The following UNC5C variants were observed in gnomAD, a reference collection of about 807,000 sequenced individuals.
The protein encoded by UNC5C is netrin receptor UNC5C.
A neutral mutation model predicts 99.8 loss-of-function variants in UNC5C; 47 were observed. That is an observed-to-expected ratio of 0.47 (90% CI 0.37 to 0.60). UNC5C has a LOEUF of 0.60. UNC5C is among the 20% of genes least tolerant of loss of function. The pLI is 0.00. For synonymous variants in UNC5C, 487 were observed against 452.2 expected (o/e 1.08, Z -0.98); for missense variants, 1,062 against 1,165.9 (o/e 0.91, Z 1.30).
intron 1 of UNC5C, among the ~76,000 whole-genome samples, chr4:95,450,315 G>A (rs1014006256): frequency 6.6e-6 from 1 of 152,166 alleles, no homozygotes; most frequent in Admixed American, 6.5e-5. Flanking sequence ...AAGCTCCTGG[G>A]CTCAAGTGAT....
At chr4:95,244,471 A>C (rs1405532264) in intron 6 of UNC5C, among the ~76,000 whole-genome samples, 1 of 152,192 alleles carries the variant, frequency 6.6e-6, no homozygotes, top group Non-Finnish European at 1.5e-5. Context: ...TAGTTTCAGA[A>C]TCCATTATCC....
intron 1 of UNC5C, among the ~76,000 whole-genome samples, chr4:95,436,531 G>A (rs1347338567): frequency 1.3e-5 from 2 of 151,862 alleles, no homozygotes; most frequent in Non-Finnish European, 2.9e-5. Context: ...ATCCTTGTTT[G>A]GGCACTTTTT....
intron 3 of UNC5C, among the ~76,000 whole-genome samples, chr4:95,300,338 C>T (rs1741822621): frequency 6.6e-6 from 1 of 152,128 alleles, no homozygotes; most frequent in East Asian, 1.9e-4. Flanking sequence ...TGCAATGAAG[C>T]TTCTATAACT....
At chr4:95,325,053 C>T (rs190616238) in intron 2 of UNC5C, among the ~76,000 whole-genome samples, 1 of 152,244 alleles carries the variant, frequency 6.6e-6, no homozygotes, top group Admixed American at 6.5e-5. Context: ...TTATAAGACA[C>T]TGGTGGTTTG....
chr4:95,401,392 C>T (rs915899827), intron 1 of UNC5C, among the ~76,000 whole-genome samples: 2 of 152,194 alleles, frequency 1.3e-5, no homozygotes, highest in Non-Finnish European at 2.9e-5. Flanking sequence ...GCCTTGAACT[C>T]GTAGGCTCAA....
At chr4:95,319,199 C>T (rs934484066) in intron 2 of UNC5C, among the ~76,000 whole-genome samples, 2 of 152,188 alleles carry the variant, frequency 1.3e-5, no homozygotes, top group Non-Finnish European at 2.9e-5. Flanking sequence ...GAGCTTAAAA[C>T]AAACACAGAG....
chr4:95,420,386 C>T (rs1481056544), intron 1 of UNC5C, among the ~76,000 whole-genome samples: 3 of 152,046 alleles, frequency 2.0e-5, no homozygotes, highest in South Asian at 4.1e-4. Flanking sequence ...ATAAAATAAT[C>T]AATATTTTCA....
At chr4:95,451,494 C>T (rs1282440642) in intron 1 of UNC5C, among the ~76,000 whole-genome samples, 1 of 152,042 alleles carries the variant, frequency 6.6e-6, no homozygotes, top group East Asian at 1.9e-4. Flanking sequence ...TAGTAATAAC[C>T]CTAATAGTTA....
intron 1 of UNC5C, among the ~76,000 whole-genome samples, chr4:95,526,817 A>C (rs931905912): frequency 6.6e-6 from 1 of 152,122 alleles, no homozygotes; most frequent in African/African-American, 2.4e-5. Flanking sequence ...GATTGAAAAA[A>C]AATGATTTTA....
At chr4:95,301,857 C>G in intron 2 of UNC5C, 108 bp from the exon 3 acceptor site, 1 of 1,359,792 alleles carries the variant, frequency 7.4e-7, no homozygotes, top group South Asian at 1.4e-5. Context: ...TGCCATAGAT[C>G]AACAACCCAG....
chr4:95,379,049 T>C (rs1298514304), intron 1 of UNC5C, among the ~76,000 whole-genome samples: 2 of 152,158 alleles, frequency 1.3e-5, no homozygotes, highest in Non-Finnish European at 2.9e-5. Flanking sequence ...GGATAACTTA[T>C]TGGTTCTGAT....
chr4:95,299,803 C>T (rs1168060529), intron 3 of UNC5C, among the ~76,000 whole-genome samples: 1 of 152,134 alleles, frequency 6.6e-6, no homozygotes, highest in African/African-American at 2.4e-5. Context: ...CAGTTAACTC[C>T]CACAACACAT....
chr4:95,258,591 A>G (rs999014084), intron 4 of UNC5C, among the ~76,000 whole-genome samples: 1 of 152,020 alleles, frequency 6.6e-6, no homozygotes, highest in African/African-American at 2.4e-5. Context: ...GATTTGGGGC[A>G]TATTTGAACT....
At chr4:95,169,732 G>T (rs1400862108) in intron 15 of UNC5C, among the ~76,000 whole-genome samples, 2 of 142,832 alleles carry the variant, frequency 1.4e-5, no homozygotes, top group East Asian at 4.1e-4. Flanking sequence ...TGTTATGTTT[G>T]GTAGTGACGG....
intron 12 of UNC5C, among the ~76,000 whole-genome samples, chr4:95,191,838 C>G (rs572597881): frequency 6.9e-6 from 1 of 145,742 alleles, no homozygotes; most frequent in Admixed American, 6.8e-5. Context: ...TCACCTTTCT[C>G]CTCTGCTCAG....
At chr4:95,484,611 G>C (rs56265443) in intron 1 of UNC5C, among the ~76,000 whole-genome samples, 13,196 of 151,804 alleles carry the variant, frequency 0.087, 1,444 homozygotes, top group African/African-American at 0.26. Context: ...TGTCAGACTG[G>C]ATCCCTGAGT....
chr4:95,515,766 T>A (rs948526132), intron 1 of UNC5C, among the ~76,000 whole-genome samples: 13 of 152,338 alleles, frequency 8.5e-5, no homozygotes, highest in Admixed American at 7.8e-4. Context: ...AAGGTCAATT[T>A]TGGCACACAA....
intron 7 of UNC5C, among the ~76,000 whole-genome samples, chr4:95,237,155 T>C (rs1039391745): frequency 1.3e-5 from 2 of 152,184 alleles, no homozygotes; most frequent in Non-Finnish European, 2.9e-5. Context: ...TTTTATTGTT[T>C]TTAAAAATAT....
At chr4:95,210,357 G>A (rs1441849416) in intron 10 of UNC5C, among the ~76,000 whole-genome samples, 2 of 152,254 alleles carry the variant, frequency 1.3e-5, no homozygotes, top group East Asian at 1.9e-4. Context: ...GACATAAATA[G>A]CATTGAAATT....
Sources: gnomAD v4.1 joint callset for allele counts (sites outside exome capture counted in the v4.1 genomes callset) on GRCh38, gnomAD v4.1.1 for gene constraint, MANE v1.5 for transcripts, NCBI Gene and HGNC (gene_info 2026-07-23, HGNC 2026-07-21) for gene names.